Variants in FGF14 observed in about 807,000 individuals in gnomAD.
FGF14 encodes the protein fibroblast growth factor homologous factor 4.
In FGF14, 5 loss-of-function variants were observed where a neutral mutation model predicts 25.5. The ratio of observed to expected loss-of-function variants is 0.20; its 90% CI spans 0.10 to 0.41. The LOEUF is 0.41. Among genes scored for constraint, FGF14 ranks in the 10% least tolerant of loss-of-function variants. The pLI, the probability that FGF14 is intolerant of heterozygous loss-of-function variation, is 1.00. For missense variants in FGF14, 222 were observed against 320.1 expected, an observed-to-expected ratio of 0.69 and a Z score of 2.34; for synonymous variants, 138 against 118.3, an observed-to-expected ratio of 1.17 and a Z score of -1.08.
At chr13:102,234,878 G>C (rs529418374) in intron 1 of FGF14, among the ~76,000 whole-genome samples, 4 of 152,284 alleles carry the variant, frequency 2.6e-5, no homozygotes, top group Non-Finnish European at 5.9e-5. Context: ...GTGTAGAAAA[G>C]ACTGTATGGA....
intron 1 of FGF14, chr13:101,967,580 C>G (rs2037294009): frequency 1.3e-5 from 2 of 152,526 alleles, no homozygotes; most frequent in African/African-American, 4.8e-5. Flanking sequence ...GTAAGCACAT[C>G]TGTTTTTAAA....
chr13:102,191,814 C>T (rs2049134174), intron 1 of FGF14, among the ~76,000 whole-genome samples: 1 of 152,072 alleles, frequency 6.6e-6, no homozygotes, highest in African/African-American at 2.4e-5. Context: ...CAGCTGTAAA[C>T]CTGTAAAACC....
intron 1 of FGF14, among the ~76,000 whole-genome samples, chr13:101,884,844 C>G (rs1324790040): frequency 7.0e-6 from 1 of 142,296 alleles, no homozygotes; most frequent in African/African-American, 2.7e-5. Context: ...TAATCTTGAC[C>G]AAACACACAC....
chr13:102,154,284 C>A (rs1368850621), intron 1 of FGF14, among the ~76,000 whole-genome samples: 1 of 151,902 alleles, frequency 6.6e-6, no homozygotes, highest in African/African-American at 2.4e-5. Flanking sequence ...GGGTTACCCA[C>A]AAAGGGAAGC....
intron 1 of FGF14, chr13:102,016,826 CT>C (rs1420644305): frequency 2.0e-5 from 3 of 152,306 alleles, no homozygotes; most frequent in African/African-American, 7.2e-5. Flanking sequence ...ATCTTTCCCC[CT>C]GTGCTTCTCT....
intron 1 of FGF14, among the ~76,000 whole-genome samples, chr13:102,040,919 CT>C (rs1437876958): frequency 1.3e-5 from 2 of 152,054 alleles, no homozygotes; most frequent in African/African-American, 4.8e-5. Context: ...TACCATATTT[CT>C]TATTCTTGGT....
intron 1 of FGF14, among the ~76,000 whole-genome samples, chr13:101,933,405 A>C (rs2034893655): frequency 6.6e-6 from 1 of 152,182 alleles, no homozygotes. Context: ...TTTCTGTTGA[A>C]TTCTACAGAA....
chr13:102,094,350 A>G lies in FGF14; in HGVS notation c.209-219054T>C, dbSNP rs1490795711. Among the ~76,000 whole-genome samples, 5 of 152,216 alleles carry G rather than the reference A, an allele frequency of 3.3e-5. No individual in the cohort carries two copies. The East Asian group carries it at 9.6e-4, about 29-fold the overall frequency. On this transcript the variant is annotated intron_variant, in intron 1 of 4. Coordinates refer to the FGF14 transcript ENST00000376131. ...GATGGTTTGATAATTTTAGGAAGAG[A>G]TTTGTTTTAAAAATATGAAGATAAC...
chr13:102,121,524 T>C (rs1182518257), intron 1 of FGF14, among the ~76,000 whole-genome samples: 2 of 152,222 alleles, frequency 1.3e-5, no homozygotes, highest in African/African-American at 2.4e-5. Context: ...CTGGGAACCT[T>C]ATGTCCCATG....
intron 1 of FGF14, among the ~76,000 whole-genome samples, chr13:102,260,578 G>A (rs1016189690): frequency 6.6e-6 from 1 of 152,202 alleles, no homozygotes; most frequent in Non-Finnish European, 1.5e-5. Context: ...ATGCTAATAG[G>A]GTGACTAAAG....
intron 1 of FGF14, among the ~76,000 whole-genome samples, chr13:102,343,373 G>A (rs1421011354): frequency 6.6e-6 from 1 of 152,206 alleles, no homozygotes; most frequent in African/African-American, 2.4e-5. Context: ...GATGACTGCA[G>A]TAAGTAGCCA....
chr13:102,250,787 G>A (rs1038071694), intron 1 of FGF14, among the ~76,000 whole-genome samples: 4 of 152,078 alleles, frequency 2.6e-5, no homozygotes, highest in African/African-American at 9.7e-5. Flanking sequence ...CTAGACATTT[G>A]GCATATTACT....
intron 3 of FGF14, among the ~76,000 whole-genome samples, chr13:101,835,003 G>T (rs1433432820): frequency 6.6e-6 from 1 of 152,028 alleles, no homozygotes; most frequent in East Asian, 1.9e-4. Context: ...GGTTAACTAT[G>T]ATGGCCTATG....
intron 1 of FGF14, among the ~76,000 whole-genome samples, chr13:102,364,838 T>C (rs1290330937): frequency 6.6e-6 from 1 of 152,158 alleles, no homozygotes; most frequent in African/African-American, 2.4e-5. Context: ...CAACTGTCTA[T>C]GGGAGAAATG....
intron 1 of FGF14, among the ~76,000 whole-genome samples, chr13:102,245,376 G>A (rs1403158346): frequency 6.6e-6 from 1 of 152,072 alleles, no homozygotes; most frequent in African/African-American, 2.4e-5. Flanking sequence ...TATTTACGAT[G>A]AGTCTTTTAA....
intron 1 of FGF14, among the ~76,000 whole-genome samples, chr13:102,013,974 A>G (rs905730195): frequency 3.9e-5 from 6 of 152,192 alleles, no homozygotes; most frequent in African/African-American, 1.4e-4. Context: ...AGTGATTTCT[A>G]TATGTCAGGT....
intron 1 of FGF14, among the ~76,000 whole-genome samples, chr13:102,097,599 C>A (rs2044462406): frequency 6.6e-6 from 1 of 152,178 alleles, no homozygotes; most frequent in Non-Finnish European, 1.5e-5. Flanking sequence ...CGCAGTAACA[C>A]TCAGACGCAC....
intron 1 of FGF14, among the ~76,000 whole-genome samples, chr13:102,204,463 T>A (rs1367797040): frequency 6.6e-6 from 1 of 152,034 alleles, no homozygotes; most frequent in Non-Finnish European, 1.5e-5. Flanking sequence ...CAGGGCAGAG[T>A]GAGTTGGGCA....
At chr13:102,140,046 C>G (rs868636844) in intron 1 of FGF14, among the ~76,000 whole-genome samples, 3 of 136,836 alleles carry the variant, frequency 2.2e-5, no homozygotes, top group East Asian at 2.2e-4. Context: ...CTTCAAGACC[C>G]CCCCCCCCCC....
Sources: allele counts gnomAD v4.1 joint callset (sites outside exome capture counted in the v4.1 genomes callset), GRCh38; gene constraint gnomAD v4.1.1; transcripts MANE v1.5; gene names NCBI Gene and HGNC (gene_info 2026-07-23, HGNC 2026-07-21).